TAB3: variants seen among roughly 807,000 people sequenced by gnomAD.
TAB3 encodes TGF-beta-activated kinase 1 and MAP3K7-binding protein 3.
In TAB3, 18 loss-of-function variants were observed where a neutral mutation model predicts 48.1. The observed-to-expected ratio is 0.37, with a 90% CI of 0.26 to 0.55. The LOEUF is 0.55. TAB3 is among the 20% of genes least tolerant of loss of function. The pLI is 0.78. For missense variants in TAB3, 414 were observed against 549.8 expected, an observed-to-expected ratio of 0.75 and a Z score of 2.47; for synonymous variants, 185 against 190.2, an observed-to-expected ratio of 0.97 and a Z score of 0.22.
chrX:30,836,600 T>C (rs1004358509), intron 9 of TAB3: 3 of 112,047 alleles, frequency 2.7e-5, no homozygotes, highest in African/African-American at 9.7e-5. Context: ...CGCAGCACTT[T>C]GGGAGGCCAA....
intron 8 of TAB3, chrX:30,843,341 T>C: frequency 6.1e-6 from 1 of 162,701 alleles, no homozygotes. Flanking sequence ...TGTGGGGCAT[T>C]TGGGGAGATA....
chrX:30,885,894 G>A (rs1940117689), intron 1 of TAB3, among the ~76,000 whole-genome samples: 1 of 111,314 alleles, frequency 9.0e-6, no homozygotes, highest in African/African-American at 3.3e-5. Flanking sequence ...ACTTGGAGGA[G>A]TTTTGGTGCC....
intron 5 of TAB3, among the ~76,000 whole-genome samples, chrX:30,857,134 G>A (rs767174491): frequency 8.1e-5 from 9 of 111,734 alleles, no homozygotes; most frequent in Non-Finnish European, 9.4e-5. Context: ...GAGATCATGC[G>A]TGTAAAACAT....
chrX:30,830,907 A>G lies in TAB3; in HGVS notation c.*520T>C. The G allele has an allele frequency of 1.7e-5, 1 of 58,277 alleles. No individual in the cohort carries two copies. The allele number at this position is 58,277 out of a possible 1,213,427, so 4.8% of individuals were successfully genotyped here. On this transcript the variant is annotated 3_prime_UTR_variant, in exon 11 of 11. Coordinates refer to ENST00000288422, the MANE Select transcript of TAB3 (RefSeq NM_152787.5). ...GCAGCAATTACAAATACCCTTAATT[A>G]ATTTGCCCCCCCCCCCCAAATATTC...
intron 7 of TAB3, 39 bp downstream of exon 7, chrX:30,852,739 C>G: frequency 8.7e-7 from 1 of 1,149,163 alleles, no homozygotes. Flanking sequence ...CAGCCAATAT[C>G]CCGACCCTCC....
Position 30,831,560 on chromosome X carries a change from G to C in TAB3, c.2006C>G (p.Ser669Cys). Reference sequence around the variant, plus strand: ...AGGTTGTGTCCGAGGACTTTGTGTGGAGCCAGTTCGATGCTCTGAGGGAGG... The same window carrying C: ...AGGTTGTGTCCGAGGACTTTGTGTGCAGCCAGTTCGATGCTCTGAGGGAGG... The part of the protein sequence containing the change: ...AAAADEHRTG[S>C]TQSPRTQPRD... Residue 669 changes from serine to cysteine, a missense_variant, in exon 11 of 11, where the codon TCC (serine) becomes TGC (cysteine). Transcript: ENST00000288422. 1 of 1,211,134 alleles carries C rather than the reference G, an allele frequency of 8.3e-7. No individual in the cohort carries two copies. Among genetic ancestry groups the C allele is most frequent in the Non-Finnish European group, 1.1e-6 (1 of 895,320 alleles).
chrX:30,842,779 T>C (rs756680457), intron 9 of TAB3, among the ~76,000 whole-genome samples, 187 bp downstream of exon 9: 1 of 111,254 alleles, frequency 9.0e-6, no homozygotes, highest in African/African-American at 3.3e-5. Context: ...TGAGCCATGA[T>C]CACACCACTG....
chrX:30,863,297 A>G (rs1039077053), intron 4 of TAB3, among the ~76,000 whole-genome samples: 7 of 112,475 alleles, frequency 6.2e-5, no homozygotes, highest in Admixed American at 1.9e-4. Context: ...TTTGATAACT[A>G]TATCATGTTA....
intron 1 of TAB3, among the ~76,000 whole-genome samples, chrX:30,884,971 A>T (rs1940091206): frequency 8.9e-6 from 1 of 112,509 alleles, no homozygotes; most frequent in Admixed American, 9.4e-5. Flanking sequence ...CAAAACTGCA[A>T]GATCTGTCCG....
rs1320302587 is a variant in TAB3, at chrX:30,867,444, TAAA to T, written c.-195+18_-195+20del. On this transcript the variant is annotated intron_variant, in intron 3 of 10. Transcript: ENST00000288422. The stretch of plus-strand genomic sequence containing the variant: ...AACTGTTTTAAAAAATAGAGTTATT[TAAA>T]ATTAGAAAAAAAAATACCTCAAGAT... 1.8e-5 allele frequency: 2 copies of T among 111,441 alleles called. No individual in the cohort carries two copies. Among genetic ancestry groups the T allele is most frequent in the African/African-American group, 6.5e-5 (2 of 30,617 alleles). 9.2% of individuals were successfully genotyped at this position (111,441 alleles called of 1,213,427 possible).
chrX:30,855,099 C>T lies in TAB3; in HGVS notation c.566G>A (p.Arg189Gln), dbSNP rs1437623643. 2 of 1,211,206 alleles carry T rather than the reference C, an allele frequency of 1.7e-6. No individual in the cohort carries two copies. The highest frequency in any genetic ancestry group is 1.7e-5 in the African/African-American group (1 of 57,635). Residue 189 changes from arginine to glutamine, a missense_variant, in exon 6 of 11, where the codon CGG becomes CAG. Transcript: ENST00000288422. ...PPPPSYMHIP[R>Q]YSTNPITVTV... ...AACAGTAATTGGATTTGTACTATACCGAGGTATGTGCATGTATGAAGGAGG... is the reference window on the plus strand; with the variant it reads ...AACAGTAATTGGATTTGTACTATACTGAGGTATGTGCATGTATGAAGGAGG...
At chrX:30,876,109 G>A (rs1373861352) in intron 1 of TAB3, among the ~76,000 whole-genome samples, 1 of 111,855 alleles carries the variant, frequency 8.9e-6, no homozygotes, top group Non-Finnish European at 1.9e-5. Flanking sequence ...AGGGTGAATC[G>A]CAATGAATCA....
Position 30,842,774 on chromosome X carries a change from C to T in TAB3, c.1888+192G>A, listed in dbSNP as rs970228406. ...CCAGAAGGTCGAGGCTGCAATGAGCCATGATCACACCACTGCACTCTAGCT... is the reference window on the plus strand; with the variant it reads ...CCAGAAGGTCGAGGCTGCAATGAGCTATGATCACACCACTGCACTCTAGCT... On this transcript the variant is annotated intron_variant, in intron 9 of 10. Transcript: ENST00000288422. Among the ~76,000 whole-genome samples, 14 of 111,185 alleles carry T rather than the reference C, an allele frequency of 1.3e-4. 1 individual carries two copies. Among genetic ancestry groups the T allele is most frequent in the African/African-American group, 3.9e-4 (12 of 30,530 alleles).
chrX:30,872,373 T>A (rs2147395844), intron 1 of TAB3, among the ~76,000 whole-genome samples: 1 of 111,408 alleles, frequency 9.0e-6, no homozygotes, highest in African/African-American at 3.3e-5. Context: ...TTCTTCTGTT[T>A]TTTTGTTTGT....
chrX:30,827,872 A>G lies in TAB3; in HGVS notation c.*3555T>C, dbSNP rs1374045308. 8.9e-6 allele frequency: 1 copy of G among 112,670 alleles called. No individual in the cohort carries two copies. Among genetic ancestry groups the G allele is most frequent in the Non-Finnish European group, 1.9e-5 (1 of 53,282 alleles). The allele number at this position is 112,670 out of a possible 1,213,427, so 9.3% of individuals were successfully genotyped here. On this transcript the variant is annotated 3_prime_UTR_variant, in exon 11 of 11. Transcript: ENST00000288422. ...GTCTGGTGAATGTGAAAACGTCATCAGAATTAACCTTTACAATAGGCAAAT... is the reference window on the plus strand; with the variant it reads ...GTCTGGTGAATGTGAAAACGTCATCGGAATTAACCTTTACAATAGGCAAAT...
chrX:30,849,288 T>C (rs1043216276), intron 7 of TAB3, among the ~76,000 whole-genome samples: 5 of 112,406 alleles, frequency 4.4e-5, no homozygotes, highest in Non-Finnish European at 7.5e-5. Context: ...ATGCATCTTA[T>C]ATCTTGCACT....
chrX:30,833,959 A>G, intron 10 of TAB3, 92 bp downstream of exon 10: 1 of 862,798 alleles, frequency 1.2e-6, no homozygotes, highest in East Asian at 3.3e-5. Context: ...TTTTAAAGCA[A>G]AAAATAAAGG....
At chrX:30,841,230 C>T (rs961279384) in intron 9 of TAB3, among the ~76,000 whole-genome samples, 5 of 111,268 alleles carry the variant, frequency 4.5e-5, no homozygotes, top group Non-Finnish European at 5.7e-5. Context: ...AGACCAGCCT[C>T]GCCACCATGG....
intron 1 of TAB3, among the ~76,000 whole-genome samples, chrX:30,888,853 C>T (rs2147427188): frequency 8.9e-6 from 1 of 112,467 alleles, no homozygotes; most frequent in African/African-American, 3.2e-5. Context: ...CCAATCAAGT[C>T]GACACCCCAC....
Sources: gnomAD v4.1 joint callset for allele counts (sites outside exome capture counted in the v4.1 genomes callset) on GRCh38, gnomAD v4.1.1 for gene constraint, MANE v1.5 for transcripts, NCBI Gene and HGNC (gene_info 2026-07-23, HGNC 2026-07-21) for gene names.